Variants in PTPRA observed in about 807,000 individuals in gnomAD.
PTPRA encodes the protein protein tyrosine phosphatase receptor type A.
A neutral mutation model predicts 104.8 loss-of-function variants in PTPRA; 25 were observed. That is an observed-to-expected ratio of 0.24 (90% CI 0.17 to 0.33). The LOEUF is 0.33. Among genes scored for constraint, PTPRA ranks in the 10% least tolerant of loss-of-function variants. PTPRA has a pLI of 1.00. For missense variants in PTPRA, 765 were observed against 1,015.3 expected (o/e 0.75, Z 3.35); for synonymous variants, 323 against 368.9 (o/e 0.88, Z 1.43).
chr20:2,985,702 T>G (rs955932624), intron 6 of PTPRA, among the ~76,000 whole-genome samples: 20 of 152,180 alleles, frequency 1.3e-4, no homozygotes, highest in Non-Finnish European at 1.0e-4. Context: ...GAGCAGGGTG[T>G]GGAAAGAGGA....
intron 2 of PTPRA, among the ~76,000 whole-genome samples, chr20:2,935,281 A>G (rs769037888): frequency 1.3e-5 from 2 of 152,114 alleles, no homozygotes; most frequent in Non-Finnish European, 1.5e-5. Context: ...GTTTAACATA[A>G]TGTCCTCCAG....
At chr20:2,884,934 C>T (rs1345334666) in intron 1 of PTPRA, among the ~76,000 whole-genome samples, 2 of 151,902 alleles carry the variant, frequency 1.3e-5, no homozygotes, top group Admixed American at 6.6e-5. Context: ...CTCAGCCTCC[C>T]GAGTAGCTGG....
At chr20:2,871,385 G>T (rs1254185798), upstream of PTPRA, among the ~76,000 whole-genome samples, 1 of 152,108 alleles carries the variant, frequency 6.6e-6, no homozygotes, top group Admixed American at 6.5e-5. Context: ...ATTTTTCCAA[G>T]TGTGGTCATA....
intron 18 of PTPRA, 128 bp from the exon 19 acceptor site, chr20:3,026,993 G>T: frequency 9.0e-7 from 1 of 1,106,942 alleles, no homozygotes; most frequent in South Asian, 1.4e-5. Context: ...TCTCCCTAAT[G>T]AGCTAGGAAC....
chr20:2,865,637 A>G, the PTPRA span: 16 of 773,798 alleles, frequency 2.1e-5, no homozygotes, highest in Non-Finnish European at 2.7e-5. The surrounding 1 kb of genome is among the most constrained non-coding windows in gnomAD (Gnocchi z 5.2). Context: ...CTGTATACAC[A>G]TTTGTGGGCA....
At chr20:3,005,363 A>G (rs1199043843) in intron 10 of PTPRA, among the ~76,000 whole-genome samples, 2 of 152,066 alleles carry the variant, frequency 1.3e-5, no homozygotes, top group Non-Finnish European at 2.9e-5. Flanking sequence ...AGCCTGGGCA[A>G]TATAGTGAGA....
intron 5 of PTPRA, among the ~76,000 whole-genome samples, chr20:2,966,236 C>T (rs978687846): frequency 6.6e-6 from 1 of 152,192 alleles, no homozygotes; most frequent in African/African-American, 2.4e-5. Context: ...GTCTTCAGTG[C>T]CACACTGAGT....
chr20:2,909,978 T>TGTGTA lies in PTPRA; in HGVS notation c.-128-13229_-128-13228insGTGTA, dbSNP rs2147200627. On this transcript the variant is annotated intron_variant, in intron 1 of 23. Transcript: ENST00000399903. ...TATAATATATGATATATATATAATC[T>TGTGTA]ATCATATATCATATATATAATCTAT... Among the ~76,000 whole-genome samples, 2 of 105,356 alleles carry TGTGTA rather than the reference T, an allele frequency of 1.9e-5. 1 individual carries two copies. The highest frequency in any genetic ancestry group is 8.4e-5 in the African/African-American group (2 of 23,932). 69.1% of individuals were successfully genotyped at this position (105,356 alleles called of 152,430 possible).
At chr20:2,894,651 C>T (rs1433557229) in intron 1 of PTPRA, among the ~76,000 whole-genome samples, 1 of 151,700 alleles carries the variant, frequency 6.6e-6, no homozygotes, top group Non-Finnish European at 1.5e-5. Context: ...TTGTGATCTT[C>T]ACTTTAACTG....
intron 13 of PTPRA, among the ~76,000 whole-genome samples, chr20:3,018,774 G>C (rs1252504496): frequency 1.4e-5 from 2 of 144,078 alleles, no homozygotes; most frequent in Non-Finnish European, 3.0e-5. Context: ...CCGGGCAGAG[G>C]GGCTCCTCAC....
chr20:2,909,892 T>C (rs1457277473), intron 1 of PTPRA, among the ~76,000 whole-genome samples: 1 of 132,082 alleles, frequency 7.6e-6, no homozygotes, highest in Non-Finnish European at 1.5e-5. Flanking sequence ...TTAATTATAA[T>C]ATATAATATA....
intron 2 of PTPRA, among the ~76,000 whole-genome samples, chr20:2,932,306 T>G (rs1225960349): frequency 6.6e-6 from 1 of 152,144 alleles, no homozygotes; most frequent in Non-Finnish European, 1.5e-5. Flanking sequence ...AAGATCATAA[T>G]GAGGTTGTTA....
At chr20:2,872,383 A>G (rs1252750814), upstream of PTPRA, among the ~76,000 whole-genome samples, 1 of 152,014 alleles carries the variant, frequency 6.6e-6, no homozygotes, top group Non-Finnish European at 1.5e-5. This position sits in a 1 kb window ranked among gnomAD's most constrained non-coding sequence, Gnocchi z 7.9. Context: ...TCTGGAGGAG[A>G]GACTCGCCGC....
chr20:2,943,378 C>G (rs2061001461), intron 2 of PTPRA, among the ~76,000 whole-genome samples: 1 of 152,082 alleles, frequency 6.6e-6, no homozygotes, highest in Non-Finnish European at 1.5e-5. Flanking sequence ...AACTGCACTT[C>G]AAGTTCAAGG....
chr20:2,966,153 G>C (rs1378999539), intron 5 of PTPRA, among the ~76,000 whole-genome samples: 1 of 152,100 alleles, frequency 6.6e-6, no homozygotes, highest in Non-Finnish European at 1.5e-5. Flanking sequence ...TTATAACTCA[G>C]ACCCTTCACC....
At chr20:2,884,508 G>C (rs1238997300) in intron 1 of PTPRA, among the ~76,000 whole-genome samples, 1 of 152,064 alleles carries the variant, frequency 6.6e-6, no homozygotes, top group Non-Finnish European at 1.5e-5. Context: ...GTTTTTATTT[G>C]CATTTCCATG....
chr20:2,927,656 A>AG (rs2060351532), intron 2 of PTPRA, among the ~76,000 whole-genome samples: 1 of 152,134 alleles, frequency 6.6e-6, no homozygotes, highest in African/African-American at 2.4e-5. Flanking sequence ...ACGGGGGTGC[A>AG]GGGGAGGTTG....
At chr20:2,928,452 G>GT (rs1451339718) in intron 2 of PTPRA, among the ~76,000 whole-genome samples, 1 of 152,106 alleles carries the variant, frequency 6.6e-6, no homozygotes, top group Non-Finnish European at 1.5e-5. Context: ...TGATGGTTTG[G>GT]TTGACTATAG....
intron 20 of PTPRA, among the ~76,000 whole-genome samples, chr20:3,033,249 C>T (rs2065607495): frequency 6.6e-6 from 1 of 151,906 alleles, no homozygotes; most frequent in Non-Finnish European, 1.5e-5. Flanking sequence ...CGACACCAGT[C>T]CACCCCACTC....
Sources: gnomAD v4.1 joint callset for allele counts (sites outside exome capture counted in the v4.1 genomes callset) on GRCh38, gnomAD v4.1.1 for gene constraint, Gnocchi (gnomAD v3.1) non-coding constraint, MANE v1.5 for transcripts, NCBI Gene and HGNC (gene_info 2026-07-23, HGNC 2026-07-21) for gene names.